Variants in DPP10 observed in about 807,000 individuals in gnomAD.
The protein encoded by DPP10 is dipeptidyl peptidase like 10, also known as inactive dipeptidyl peptidase 10.
Under a neutral mutation model 120.9 loss-of-function variants are expected in DPP10, and 33 were observed. The ratio of observed to expected loss-of-function variants is 0.27; its 90% CI spans 0.21 to 0.37. The LOEUF is 0.37. Among genes scored for constraint, DPP10 ranks in the 10% least tolerant of loss-of-function variants. The pLI, the probability that DPP10 is intolerant of heterozygous loss-of-function variation, is 1.00. For missense variants in DPP10, 816 were observed against 942.8 expected (o/e 0.87, Z 1.76); for synonymous variants, 337 against 326.1 (o/e 1.03, Z -0.36).
intron 15 of DPP10, 143 bp from the exon 16 acceptor site, chr2:115,780,731 A>G (rs1682653737): frequency 3.4e-6 from 2 of 593,774 alleles, no homozygotes; most frequent in East Asian, 3.1e-5. Context: ...TTTTATGTAT[A>G]TGGTGATTCA....
At chr2:114,641,598 G>A (rs72953578) in intron 1 of DPP10, among the ~76,000 whole-genome samples, 2 of 151,998 alleles carry the variant, frequency 1.3e-5, no homozygotes, top group East Asian at 3.9e-4. Flanking sequence ...TCATTTAACT[G>A]ATTTATAAGG....
At chr2:114,810,517 A>G (rs922212249) in intron 1 of DPP10, among the ~76,000 whole-genome samples, 1 of 152,218 alleles carries the variant, frequency 6.6e-6, no homozygotes, top group African/African-American at 2.4e-5. Context: ...TCATCATACA[A>G]TAAGATATTT....
At chr2:115,729,804 GAGAGAGAGAGA>G (rs68039887) in intron 8 of DPP10, among the ~76,000 whole-genome samples, 131,832 of 151,032 alleles carry the variant, frequency 0.87, 57,679 homozygotes, top group East Asian at 1. Flanking sequence ...GAGAAAAAGA[GAGAGAGAGAGA>G]AGAGAGAGAG....
chr2:115,412,130 A>G (rs761915915), intron 3 of DPP10, among the ~76,000 whole-genome samples: 1 of 150,830 alleles, frequency 6.6e-6, no homozygotes, highest in Admixed American at 6.6e-5. Flanking sequence ...AACTTACTCT[A>G]ACTTCCAGAT....
intron 11 of DPP10, among the ~76,000 whole-genome samples, chr2:115,760,049 C>T (rs1679926894): frequency 6.6e-6 from 1 of 151,702 alleles, no homozygotes. Flanking sequence ...AAAACCCATA[C>T]ATTATAATTC....
chr2:115,545,485 C>T (rs1201367576), intron 5 of DPP10, among the ~76,000 whole-genome samples: 4 of 152,104 alleles, frequency 2.6e-5, no homozygotes, highest in East Asian at 1.9e-4. Flanking sequence ...AAGATTGGGT[C>T]GGAGTTTTCC....
intron 5 of DPP10, among the ~76,000 whole-genome samples, chr2:115,556,680 A>C (rs1369812086): frequency 6.6e-6 from 1 of 152,150 alleles, no homozygotes; most frequent in Non-Finnish European, 1.5e-5. Flanking sequence ...TGTCTTAACC[A>C]ATAACTATTT....
rs201276747 is a variant in DPP10 at position 115,016,527 on chromosome 2, T to C, written c.61-292712T>C. ...ATGGGAGCTAACTAAACTAAAGAGC[T>C]TCTGTACAGCAAAAGAAACTATCAT... On this transcript the variant is annotated intron_variant, in intron 1 of 25. Coordinates refer to ENST00000410059, the MANE Select transcript of DPP10 (RefSeq NM_020868.6). Among the ~76,000 whole-genome samples the C allele has an allele frequency of 5.3e-5, 8 of 152,076 alleles. No homozygotes were observed. The East Asian group carries it at 1.6e-3, about 29-fold the overall frequency.
At position 114,758,795 on chromosome 2, in the gene DPP10, T is replaced by C. The variant is rs185980294; in HGVS notation, c.60+315957T>C. ...GCAGAAATCTCAACTGTATGTATGT[T>C]GTCTGCACTTAGTTTGTCAGAAAAT... On this transcript the variant is annotated intron_variant, in intron 1 of 25. Coordinates refer to ENST00000410059, the MANE Select transcript of DPP10 (RefSeq NM_020868.6). Among the ~76,000 whole-genome samples the C allele has an allele frequency of 6.6e-5, 10 of 152,308 alleles. No individual in the cohort carries two copies. In the East Asian group the frequency reaches 1.4e-3, roughly 21 times the overall value.
chr2:115,518,875 C>A (rs1389116543), intron 4 of DPP10, among the ~76,000 whole-genome samples: 2 of 152,014 alleles, frequency 1.3e-5, no homozygotes, highest in Non-Finnish European at 2.9e-5. Context: ...ATGCTGTATT[C>A]TTTAATGCAG....
At chr2:115,547,897 A>G (rs2079613674) in intron 5 of DPP10, among the ~76,000 whole-genome samples, 1 of 152,124 alleles carries the variant, frequency 6.6e-6, no homozygotes, top group Admixed American at 6.6e-5. Flanking sequence ...ATCTTTCCTT[A>G]AGTTAGATCA....
intron 1 of DPP10, among the ~76,000 whole-genome samples, chr2:114,443,407 GGA>G (rs1677768360): frequency 6.6e-6 from 1 of 152,084 alleles, no homozygotes; most frequent in Admixed American, 6.5e-5. Context: ...TGAGATGATT[GGA>G]GACACTCTTC....
chr2:115,479,153 T>A (rs1250295116), intron 3 of DPP10, among the ~76,000 whole-genome samples: 1 of 152,132 alleles, frequency 6.6e-6, no homozygotes, highest in Non-Finnish European at 1.5e-5. Flanking sequence ...GGAAGCAACC[T>A]AAGTGTCCAT....
At chr2:114,506,279 G>A (rs565914636) in intron 1 of DPP10, among the ~76,000 whole-genome samples, 4 of 152,328 alleles carry the variant, frequency 2.6e-5, no homozygotes, top group African/African-American at 9.6e-5. Flanking sequence ...GAAGTGACTT[G>A]ACTTCAGAGG....
intron 24 of DPP10, 33 bp downstream of exon 24, chr2:115,836,779 G>C (rs1254367339): frequency 1.3e-6 from 2 of 1,588,690 alleles, no homozygotes; most frequent in South Asian, 2.3e-5. Context: ...CTGTTTGATA[G>C]GGTATGACCT....
chr2:115,227,847 ATTAT>A (rs1356910327), intron 1 of DPP10, among the ~76,000 whole-genome samples: 2 of 150,756 alleles, frequency 1.3e-5, no homozygotes, highest in African/African-American at 2.4e-5. Flanking sequence ...TTCAAAATTA[ATTAT>A]TTATTTATAT....
chr2:115,607,068 C>A (rs1337802520), intron 5 of DPP10, among the ~76,000 whole-genome samples: 1 of 152,088 alleles, frequency 6.6e-6, no homozygotes, highest in Non-Finnish European at 1.5e-5. Flanking sequence ...AAACCAAATA[C>A]TCACAGACAA....
intron 21 of DPP10, among the ~76,000 whole-genome samples, chr2:115,828,615 T>A (rs1688617329): frequency 6.6e-6 from 1 of 152,092 alleles, no homozygotes; most frequent in South Asian, 2.1e-4. Flanking sequence ...ACTTCATTCT[T>A]CAAGGTAGCA....
At chr2:115,754,723 T>C (rs1036611320) in intron 11 of DPP10, among the ~76,000 whole-genome samples, 1 of 152,110 alleles carries the variant, frequency 6.6e-6, no homozygotes, top group Non-Finnish European at 1.5e-5. Flanking sequence ...GTGGAAAATA[T>C]AACCTACTCA....
Sources: allele counts gnomAD v4.1 joint callset (sites outside exome capture counted in the v4.1 genomes callset), GRCh38; gene constraint gnomAD v4.1.1; transcripts MANE v1.5; gene names NCBI Gene and HGNC (gene_info 2026-07-23, HGNC 2026-07-21).